Variants in PRKD1 observed in about 807,000 individuals in gnomAD.
PRKD1 encodes protein kinase D1.
In PRKD1, 63 loss-of-function variants were observed where a neutral mutation model predicts 95.9. That is an observed-to-expected ratio of 0.66 (90% CI 0.54 to 0.81). The LOEUF is 0.81. Among genes scored for constraint, PRKD1 ranks in the 30% least tolerant of loss-of-function variants. The pLI is 0.00. For missense variants in PRKD1, 1,048 were observed against 1,165.3 expected (o/e 0.90, Z 1.47); for synonymous variants, 425 against 423.1 (o/e 1.00, Z -0.05).
At chr14:29,809,255 T>C (rs985986858) in intron 1 of PRKD1, among the ~76,000 whole-genome samples, 1 of 152,332 alleles carries the variant, frequency 6.6e-6, no homozygotes, top group East Asian at 1.9e-4. Flanking sequence ...CAGAACAGAT[T>C]TAGCATACAT....
intron 16 of PRKD1, among the ~76,000 whole-genome samples, chr14:29,596,875 A>G (rs1475220144): frequency 6.6e-6 from 1 of 152,212 alleles, no homozygotes; most frequent in Non-Finnish European, 1.5e-5. Context: ...AAGAGGAAGG[A>G]AATATTTATT....
intron 16 of PRKD1, among the ~76,000 whole-genome samples, chr14:29,597,170 C>T (rs1321006228): frequency 6.6e-6 from 1 of 152,104 alleles, no homozygotes; most frequent in African/African-American, 2.4e-5. Context: ...GTTTTTAACA[C>T]AGAACTAGGC....
intron 1 of PRKD1, among the ~76,000 whole-genome samples, chr14:29,925,913 C>A (rs550047480): frequency 6.6e-6 from 1 of 152,228 alleles, no homozygotes; most frequent in South Asian, 2.1e-4. Flanking sequence ...TCCTGCTGAC[C>A]CACAATAGAC....
At chr14:29,614,808 A>G (rs552858610) in intron 13 of PRKD1, among the ~76,000 whole-genome samples, 12 of 150,578 alleles carry the variant, frequency 8.0e-5, no homozygotes, top group Admixed American at 1.3e-4. Flanking sequence ...TCGTGCTTCA[A>G]CCTCCTGTGT....
intron 16 of PRKD1, among the ~76,000 whole-genome samples, chr14:29,593,201 A>G (rs1893190403): frequency 6.6e-6 from 1 of 152,164 alleles, no homozygotes; most frequent in African/African-American, 2.4e-5. Flanking sequence ...AGTGTGAGCT[A>G]TTCATATTTG....
intron 1 of PRKD1, among the ~76,000 whole-genome samples, chr14:29,748,843 A>G (rs1025152931): frequency 6.6e-6 from 1 of 152,254 alleles, no homozygotes; most frequent in African/African-American, 2.4e-5. Context: ...GTTTTCAATT[A>G]AAACATTCTG....
At chr14:29,676,177 G>GGTTTTTTTTTTTTTT (rs1555334424) in intron 2 of PRKD1, among the ~76,000 whole-genome samples, 1 of 104,762 alleles carries the variant, frequency 9.5e-6, no homozygotes, top group African/African-American at 4.2e-5. Flanking sequence ...AGTTCATTAC[G>GGTTTTTTTTTTTTTT]TTTTTGTTTT....
At chr14:29,583,957 A>C (rs1566466056) in intron 16 of PRKD1, among the ~76,000 whole-genome samples, 1 of 152,208 alleles carries the variant, frequency 6.6e-6, no homozygotes, top group Non-Finnish European at 1.5e-5. Flanking sequence ...AGACAAAAAA[A>C]GTCAGGAAAG....
intron 1 of PRKD1, among the ~76,000 whole-genome samples, chr14:29,896,075 T>C (rs149818673): frequency 6.6e-6 from 1 of 152,150 alleles, no homozygotes; most frequent in African/African-American, 2.4e-5. Context: ...TACTTTACAA[T>C]AGGAGCGCAA....
chr14:29,765,482 C>A (rs754108568), intron 1 of PRKD1, among the ~76,000 whole-genome samples: 6 of 152,090 alleles, frequency 3.9e-5, no homozygotes, highest in Non-Finnish European at 8.8e-5. Context: ...TTGGCTTTTT[C>A]TTGTAAAGTT....
chr14:29,888,639 T>C (rs1262150545), intron 1 of PRKD1, among the ~76,000 whole-genome samples: 3 of 152,118 alleles, frequency 2.0e-5, no homozygotes, highest in African/African-American at 7.2e-5. Flanking sequence ...AGAGTTGACA[T>C]AGGAGAATAC....
intron 1 of PRKD1, among the ~76,000 whole-genome samples, chr14:29,827,086 G>A (rs977765046): frequency 2.6e-5 from 4 of 151,002 alleles, no homozygotes; most frequent in Admixed American, 2.0e-4. Flanking sequence ...GAAAGGGCGG[G>A]AAAGGAGTGA....
chr14:29,721,208 T>C (rs1164167770), intron 2 of PRKD1, among the ~76,000 whole-genome samples: 2 of 152,206 alleles, frequency 1.3e-5, no homozygotes, highest in Non-Finnish European at 2.9e-5. Flanking sequence ...CTTCTCTTGA[T>C]AGTGAGGACC....
chr14:29,686,044 G>A (rs373469075), intron 2 of PRKD1, among the ~76,000 whole-genome samples: 17 of 152,116 alleles, frequency 1.1e-4, no homozygotes, highest in South Asian at 1.0e-3. Flanking sequence ...ACACGATGCC[G>A]TTTTGGATTT....
At chr14:29,701,387 C>T (rs1276596730) in intron 2 of PRKD1, among the ~76,000 whole-genome samples, 1 of 152,144 alleles carries the variant, frequency 6.6e-6, no homozygotes, top group Non-Finnish European at 1.5e-5. Context: ...ATGATTTATC[C>T]ATTGATGAAC....
At chr14:29,863,971 A>G (rs542736618) in intron 1 of PRKD1, among the ~76,000 whole-genome samples, 2 of 152,182 alleles carry the variant, frequency 1.3e-5, no homozygotes, top group Admixed American at 6.5e-5. Flanking sequence ...AATAATTTTT[A>G]TGGTAAACCT....
intron 13 of PRKD1, among the ~76,000 whole-genome samples, chr14:29,618,116 T>C (rs780649216): frequency 6.6e-6 from 1 of 152,192 alleles, no homozygotes; most frequent in Non-Finnish European, 1.5e-5. Flanking sequence ...TTGCATGTCC[T>C]TATGAAGGTC....
chr14:29,607,757 C>T (rs1343312853), intron 13 of PRKD1, among the ~76,000 whole-genome samples: 2 of 152,206 alleles, frequency 1.3e-5, no homozygotes, highest in African/African-American at 4.8e-5. Context: ...ATCCAAACGA[C>T]TCTTCCTATT....
rs113366814 is a variant in PRKD1, at chr14:29,669,539, T to C, written c.404-3331A>G. On this transcript the variant is annotated intron_variant, in intron 2 of 17. Transcript: ENST00000331968. ...AATCACATACTTGCTATTTTTAAGG[T>C]ATTCTGTAGATTAAAAACAAAAACA... Among the ~76,000 whole-genome samples, 615 of 152,284 alleles carry C rather than the reference T, an allele frequency of 4.0e-3. 4 individuals are homozygous for C. Among genetic ancestry groups the C allele is most frequent in the African/African-American group, 0.014 (579 of 41,572 alleles).
Sources: allele counts gnomAD v4.1 joint callset (sites outside exome capture counted in the v4.1 genomes callset), GRCh38; gene constraint gnomAD v4.1.1; transcripts MANE v1.5; gene names NCBI Gene and HGNC (gene_info 2026-07-23, HGNC 2026-07-21).